Variants in GALNT18 observed in about 807,000 individuals in gnomAD.
GALNT18 encodes polypeptide N-acetylgalactosaminyltransferase 18, also known as GalNAc-transferase 18.
In GALNT18, 44 loss-of-function variants were observed where a neutral mutation model predicts 69.5. The ratio of observed to expected loss-of-function variants is 0.63; its 90% CI spans 0.50 to 0.81. GALNT18 has a LOEUF of 0.81. GALNT18 is among the 40% of genes least tolerant of loss of function. The probability of loss-of-function intolerance (pLI) is 0.00; values close to 1 mark genes in which losing one functional copy is unlikely to be tolerated. For missense variants in GALNT18, 715 were observed against 810.0 expected (o/e 0.88, Z 1.42); for synonymous variants, 364 against 318.2 (o/e 1.14, Z -1.53).
rs1226589474 is a variant in GALNT18 at position 11,338,473 on chromosome 11, A to C, written c.1278+2346T>G. 6.6e-6 allele frequency among the ~76,000 whole-genome samples: 1 copy of C among 152,142 alleles called. No homozygotes were observed. The highest frequency in any genetic ancestry group is 1.5e-5 in the Non-Finnish European group (1 of 68,036). On this transcript the variant is annotated intron_variant, in intron 7 of 10. Coordinates refer to ENST00000227756, the MANE Select transcript of GALNT18 (RefSeq NM_198516.3). This position sits in a 1 kb window ranked among gnomAD's most constrained non-coding sequence, Gnocchi z 5.3. ...GAAGGAGGGCTTGTGATTGACTGGG[A>C]CAGGGCATTGAGAGAGAGGAAGATT...
At chr11:11,527,490 G>A (rs912580742) in intron 1 of GALNT18, among the ~76,000 whole-genome samples, 3 of 152,134 alleles carry the variant, frequency 2.0e-5, no homozygotes, top group Non-Finnish European at 2.9e-5. Context: ...GTCCACATGA[G>A]CTTTATTCTA....
At chr11:11,526,522 A>G (rs1857529717) in intron 1 of GALNT18, among the ~76,000 whole-genome samples, 1 of 152,126 alleles carries the variant, frequency 6.6e-6, no homozygotes, top group South Asian at 2.1e-4. Flanking sequence ...TTAAAAATAT[A>G]TTTCTTTTAA....
At position 11,350,465 on chromosome 11, in the gene GALNT18, A is replaced by C. The variant is rs1182316164; in HGVS notation, c.1093-9461T>G. On this transcript the variant is annotated intron_variant, in intron 6 of 10. Coordinates refer to ENST00000227756, the MANE Select transcript of GALNT18 (RefSeq NM_198516.3). ...CCAACAGGCCTGATTACTATTGTTC[A>C]AACTCAGGCCAGATGGGACTCAAGA... Among the ~76,000 whole-genome samples, 4 of 152,200 alleles carry C rather than the reference A, an allele frequency of 2.6e-5. No homozygotes were observed. In the East Asian group the frequency reaches 7.7e-4, roughly 29 times the overall value.
chr11:11,428,142 G>T (rs1032081738), intron 3 of GALNT18, among the ~76,000 whole-genome samples: 5 of 152,222 alleles, frequency 3.3e-5, no homozygotes, highest in African/African-American at 7.2e-5. Flanking sequence ...AAACATGAAA[G>T]TCTTGCACTG....
At chr11:11,599,719 CATTTT>C (rs1273792499) in intron 1 of GALNT18, among the ~76,000 whole-genome samples, 13 of 151,894 alleles carry the variant, frequency 8.6e-5, no homozygotes, top group Non-Finnish European at 1.3e-4. Context: ...TTTTCTTGTA[CATTTT>C]AATTTCCTTA....
chr11:11,316,948 T>C (rs553257090), intron 9 of GALNT18, among the ~76,000 whole-genome samples: 2 of 152,352 alleles, frequency 1.3e-5, no homozygotes, highest in Admixed American at 1.3e-4. Context: ...ACTCAACGCA[T>C]GTTTGTTGAA....
chr11:11,441,772 G>A (rs1391555391), intron 2 of GALNT18, among the ~76,000 whole-genome samples: 2 of 152,178 alleles, frequency 1.3e-5, no homozygotes, highest in African/African-American at 4.8e-5. Flanking sequence ...TGCTCCTGCT[G>A]GAGCCATCTC....
At chr11:11,433,339 G>A (rs1273272203) in intron 2 of GALNT18, among the ~76,000 whole-genome samples, 1 of 152,230 alleles carries the variant, frequency 6.6e-6, no homozygotes, top group African/African-American at 2.4e-5. Context: ...GAACAGGGTT[G>A]GAGCTAGAAA....
At chr11:11,575,205 T>C (rs1858892969) in intron 1 of GALNT18, among the ~76,000 whole-genome samples, 1 of 152,128 alleles carries the variant, frequency 6.6e-6, no homozygotes, top group Admixed American at 6.5e-5. Flanking sequence ...ACAGTCTCTG[T>C]GGGTGGGGTG....
chr11:11,556,379 C>T (rs73409843), intron 1 of GALNT18, among the ~76,000 whole-genome samples: 9,207 of 152,238 alleles, frequency 0.06, 293 homozygotes, highest in Middle Eastern at 0.075. Context: ...CTAGGGATTG[C>T]AAAAATGTCA....
rs1564937133 is a variant in GALNT18, at chr11:11,415,901, C to A, written c.595+16720G>T. On this transcript the variant is annotated intron_variant, in intron 3 of 10. Transcript: ENST00000227756. This position sits in a 1 kb window ranked among gnomAD's most constrained non-coding sequence, Gnocchi z 4.1. ...AGTACACAGGTCTAGAGGGCAGCAG[C>A]TGGGCACCTAAGACTGTGGGAACTC... Among the ~76,000 whole-genome samples the A allele has an allele frequency of 6.6e-6, 1 of 152,212 alleles. No homozygotes were observed. Among genetic ancestry groups the A allele is most frequent in the Non-Finnish European group, 1.5e-5 (1 of 68,036 alleles).
intron 1 of GALNT18, among the ~76,000 whole-genome samples, chr11:11,536,296 T>G (rs1857771782): frequency 6.6e-6 from 1 of 152,200 alleles, no homozygotes; most frequent in Non-Finnish European, 1.5e-5. Flanking sequence ...TTATCTGTAT[T>G]TTACAGAATA....
chr11:11,603,108 T>C lies in GALNT18; in HGVS notation c.235+18251A>G, dbSNP rs910175014. Among the ~76,000 whole-genome samples the C allele has an allele frequency of 6.6e-6, 1 of 152,246 alleles. No individual in the cohort carries two copies. Among genetic ancestry groups the C allele is most frequent in the Non-Finnish European group, 1.5e-5 (1 of 68,030 alleles). On this transcript the variant is annotated intron_variant, in intron 1 of 10. Coordinates refer to ENST00000227756, the MANE Select transcript of GALNT18 (RefSeq NM_198516.3). This position sits in a 1 kb window ranked among gnomAD's most constrained non-coding sequence, Gnocchi z 4.5. ...TTTGAAAGGAGGCAATTCTAAGTTA[T>C]GTCTTCCCATCAACTACTTCAATTT...
At chr11:11,453,655 C>A (rs1855857105) in intron 1 of GALNT18, among the ~76,000 whole-genome samples, 1 of 152,146 alleles carries the variant, frequency 6.6e-6, no homozygotes. Flanking sequence ...GGGGGCAAGT[C>A]TTTCCCATGC....
At chr11:11,380,488 T>C (rs1853884862) in intron 3 of GALNT18, among the ~76,000 whole-genome samples, 1 of 152,264 alleles carries the variant, frequency 6.6e-6, no homozygotes, top group African/African-American at 2.4e-5. Flanking sequence ...AACTGGGCTA[T>C]ACAGAATAGA....
chr11:11,535,606 C>T (rs1337395054), intron 1 of GALNT18, among the ~76,000 whole-genome samples: 1 of 152,166 alleles, frequency 6.6e-6, no homozygotes, highest in Non-Finnish European at 1.5e-5. Context: ...GAACCCTGCC[C>T]TGTCCCCAGC....
chr11:11,490,752 C>A (rs1330605826), intron 1 of GALNT18, among the ~76,000 whole-genome samples: 1 of 152,176 alleles, frequency 6.6e-6, no homozygotes, highest in Non-Finnish European at 1.5e-5. Flanking sequence ...TCTGTCCTGG[C>A]AGATGTAACC....
In GALNT18 at chr11:11,326,569, C is replaced by T. The variant is rs1017873126; in HGVS notation, c.1512+517G>A. Among the ~76,000 whole-genome samples, 3 of 152,254 alleles carry T rather than the reference C, an allele frequency of 2.0e-5. No homozygotes were observed. The South Asian group carries it at 6.2e-4, about 32-fold the overall frequency. ...GAATAACTTATTTTCCTGGTAGCTG[C>T]CCTTCATTCTCCACCAGAAGAAGGT... On this transcript the variant is annotated intron_variant, in intron 9 of 10. Transcript: ENST00000227756.
At position 11,604,768 on chromosome 11, in the gene GALNT18, G is replaced by T. The variant is rs1246303696; in HGVS notation, c.235+16591C>A. On this transcript the variant is annotated intron_variant, in intron 1 of 10. Transcript: ENST00000227756. This position sits in a 1 kb window ranked among gnomAD's most constrained non-coding sequence, Gnocchi z 5.6. ...GAAGAATCAGCCTCAATGACAGTTT[G>T]GTATTAACTAGCTCAGCCATGCAGG... is the stretch of plus-strand genomic sequence containing the variant. Among the ~76,000 whole-genome samples the T allele has an allele frequency of 3.3e-5, 5 of 152,134 alleles. No individual in the cohort carries two copies. The highest frequency in any genetic ancestry group is 2.0e-4 in the Admixed American group (3 of 15,274).
Sources: gnomAD v4.1 joint callset for allele counts (sites outside exome capture counted in the v4.1 genomes callset) on GRCh38, gnomAD v4.1.1 for gene constraint, Gnocchi (gnomAD v3.1) non-coding constraint, MANE v1.5 for transcripts, NCBI Gene and HGNC (gene_info 2026-07-23, HGNC 2026-07-21) for gene names.